ZZEF1: variants seen among roughly 807,000 people sequenced by gnomAD.
ZZEF1 encodes the protein zinc finger ZZ-type and EF-hand domain containing 1.
A neutral mutation model predicts 342.8 loss-of-function variants in ZZEF1; 157 were observed. The ratio of observed to expected loss-of-function variants is 0.46; its 90% CI spans 0.40 to 0.52. The LOEUF is 0.52. Ranked by LOEUF, ZZEF1 falls within the 20% of genes least tolerant of loss-of-function variation. The pLI, the probability that ZZEF1 is intolerant of heterozygous loss-of-function variation, is 0.00. For synonymous variants in ZZEF1, 1,505 were observed against 1,429.1 expected, an observed-to-expected ratio of 1.05 and a Z score of -1.20; for missense variants, 3,480 against 3,725.6, an observed-to-expected ratio of 0.93 and a Z score of 1.72.
chr17:4,135,971 G>A (rs2058740586), intron 1 of ZZEF1, among the ~76,000 whole-genome samples: 1 of 148,970 alleles, frequency 6.7e-6, no homozygotes, highest in Admixed American at 6.7e-5. Flanking sequence ...TTTCTCATCA[G>A]TTACAATGTA....
chr17:4,044,556 G>C (rs2056871005), intron 37 of ZZEF1, among the ~76,000 whole-genome samples, 182 bp from the exon 38 acceptor site: 1 of 151,884 alleles, frequency 6.6e-6, no homozygotes, highest in Non-Finnish European at 1.5e-5. Flanking sequence ...GTCTCACTCT[G>C]TCACCAGGCT....
intron 49 of ZZEF1, among the ~76,000 whole-genome samples, chr17:4,015,720 C>T (rs1009781504): frequency 6.6e-6 from 1 of 152,176 alleles, no homozygotes; most frequent in Admixed American, 6.5e-5. Context: ...GCCGAGATCA[C>T]ACCACTGCAC....
Position 4,056,310 on chromosome 17 carries a change from T to G in ZZEF1, c.5201A>C (p.Lys1734Thr). ...WSEEDELADA[K>T]QNSEWMDECQ... is the part of the protein sequence containing the mutation. ...CTCATCCATCCATTCTGAATTCTGC[T>G]TGGCATCAGCAAGCTCATCTTCTTC... The change falls in exon 33 of 55, where the codon AAG becomes ACG. Residue 1734 changes from lysine (K) to threonine (T), a missense_variant. Transcript: ENST00000381638. The G allele has an allele frequency of 1.2e-6, 2 of 1,600,774 alleles. No homozygotes were observed. Among genetic ancestry groups the G allele is most frequent in the Non-Finnish European group, 1.7e-6 (2 of 1,173,576 alleles).
intron 52 of ZZEF1, 48 bp downstream of exon 52, chr17:4,013,401 G>A (rs374284639): frequency 6.6e-7 from 1 of 1,508,542 alleles, no homozygotes; most frequent in South Asian, 1.3e-5. Context: ...GCCACAGAGT[G>A]GGGATACATA....
At chr17:4,009,222 G>C in intron 53 of ZZEF1, 1 of 572,358 alleles carries the variant, frequency 1.7e-6, no homozygotes, top group East Asian at 2.9e-5. Flanking sequence ...GAAAGGAGAG[G>C]GAAGCTAAAG....
At chr17:4,138,783 A>T (rs981691191) in intron 1 of ZZEF1, among the ~76,000 whole-genome samples, 10 of 152,252 alleles carry the variant, frequency 6.6e-5, no homozygotes, top group Admixed American at 2.0e-4. Flanking sequence ...GAGCATAAAT[A>T]TCTAATCTAT....
intron 21 of ZZEF1, 151 bp from the exon 22 acceptor site, chr17:4,075,580 TC>T: frequency 1.3e-6 from 1 of 775,042 alleles, no homozygotes; most frequent in Non-Finnish European, 2.0e-6. Flanking sequence ...AACCTGACAT[TC>T]CCATCTTCAC....
chr17:4,035,957 G>A (rs1198996406), intron 39 of ZZEF1, among the ~76,000 whole-genome samples: 3 of 151,974 alleles, frequency 2.0e-5, no homozygotes, highest in South Asian at 2.1e-4. Flanking sequence ...AAAATTAGCC[G>A]GGTGTAGTGG....
intron 11 of ZZEF1, among the ~76,000 whole-genome samples, chr17:4,093,196 C>T (rs2057976454): frequency 6.6e-6 from 1 of 152,050 alleles, no homozygotes; most frequent in Non-Finnish European, 1.5e-5. Flanking sequence ...GGGGAAATGA[C>T]CCATTTTAAT....
intron 4 of ZZEF1, among the ~76,000 whole-genome samples, chr17:4,113,564 C>G (rs2058347980): frequency 6.6e-6 from 1 of 151,892 alleles, no homozygotes; most frequent in African/African-American, 2.4e-5. Flanking sequence ...ACCCAGGAGG[C>G]TGAGGCAGGA....
At chr17:4,132,385 T>C (rs1252090673) in intron 1 of ZZEF1, among the ~76,000 whole-genome samples, 1 of 151,818 alleles carries the variant, frequency 6.6e-6, no homozygotes, top group Non-Finnish European at 1.5e-5. Context: ...GGTTTCACCA[T>C]GTTGGCCAGG....
rs550716789 is a variant in ZZEF1 at position 4,097,381 on chromosome 17, T to G, written c.1673-681A>C. Among the ~76,000 whole-genome samples, 41 of 151,402 alleles carry G rather than the reference T, an allele frequency of 2.7e-4. 1 individual carries two copies. The South Asian group carries it at 8.6e-3, about 32-fold the overall frequency. The stretch of plus-strand genomic sequence containing the variant: ...CCTACAACCATGGCTGATGGCTGCC[T>G]GGGCTGATAAAGCCTACTGGCTTAG... On this transcript the variant is annotated intron_variant, in intron 9 of 54. Coordinates refer to ENST00000381638, the MANE Select transcript of ZZEF1 (RefSeq NM_015113.4).
intron 2 of ZZEF1, among the ~76,000 whole-genome samples, chr17:4,121,102 G>A (rs2058475396): frequency 1.3e-5 from 2 of 152,184 alleles, no homozygotes; most frequent in African/African-American, 4.8e-5. Flanking sequence ...TGCTATGTAA[G>A]TGCCTTGAGA....
rs538933660 is a variant in ZZEF1, at chr17:4,094,558, T to C, written c.1913+1273A>G. On this transcript the variant is annotated intron_variant, in intron 11 of 54. Coordinates refer to ENST00000381638, the MANE Select transcript of ZZEF1 (RefSeq NM_015113.4). Reference sequence around the variant, plus strand: ...TTATCCATTGGCTACCGATTATCCATTGGCTACCGAACACCTCAAAGGTTT... The same window carrying C: ...TTATCCATTGGCTACCGATTATCCACTGGCTACCGAACACCTCAAAGGTTT... Among the ~76,000 whole-genome samples the C allele has an allele frequency of 5.2e-4, 78 of 150,608 alleles. 1 individual carries two copies. The highest frequency in any genetic ancestry group is 1.9e-3 in the African/African-American group (77 of 41,400).
intron 43 of ZZEF1, among the ~76,000 whole-genome samples, chr17:4,024,399 A>G (rs1316729121): frequency 6.6e-6 from 1 of 151,806 alleles, no homozygotes; most frequent in Admixed American, 6.6e-5. Flanking sequence ...GAGTTTTGCC[A>G]TGTTGCCCAG....
intron 11 of ZZEF1, among the ~76,000 whole-genome samples, chr17:4,092,036 A>G (rs887972198): frequency 4.0e-5 from 6 of 151,052 alleles, no homozygotes; most frequent in Non-Finnish European, 5.9e-5. Flanking sequence ...AGATCGTGCC[A>G]CTGCACTCCA....
chr17:4,013,655 C>T (rs368215255), intron 51 of ZZEF1, 41 bp from the exon 52 acceptor site: 50 of 1,550,500 alleles, frequency 3.2e-5, no homozygotes, highest in Admixed American at 1.8e-4. Context: ...AACAGAGATA[C>T]GTAATAAGTA....
intron 2 of ZZEF1, among the ~76,000 whole-genome samples, chr17:4,123,282 TATATATATATA>T (rs2058516887): frequency 1.1e-5 from 1 of 93,952 alleles, no homozygotes. Flanking sequence ...TATATATATA[TATATATATATA>T]TATATATATA....
rs1238495519 is a variant in ZZEF1 at position 4,056,126 on chromosome 17, GGTAA to G, written c.5295+86_5295+89del. On this transcript the variant is annotated intron_variant, in intron 33 of 54. Coordinates refer to ENST00000381638, the MANE Select transcript of ZZEF1 (RefSeq NM_015113.4). ...TTGAATGCCACCTGCAGCCCTCTCAGGTAAGAGCCTGCCAGAACCCCCCCAGGCA... is the reference window on the plus strand; with the variant it reads ...TTGAATGCCACCTGCAGCCCTCTCAGGAGCCTGCCAGAACCCCCCCAGGCA... 1.5e-5 allele frequency: 20 copies of G among 1,361,242 alleles called. No individual in the cohort carries two copies. In the East Asian group the frequency reaches 3.5e-4, roughly 24 times the overall value. The allele number at this position is 1,361,242 out of a possible 1,614,324, so 84.3% of individuals were successfully genotyped here.
Sources: allele counts gnomAD v4.1 joint callset (sites outside exome capture counted in the v4.1 genomes callset), GRCh38; gene constraint gnomAD v4.1.1; transcripts MANE v1.5; gene names NCBI Gene and HGNC (gene_info 2026-07-23, HGNC 2026-07-21).